CNBD1: variants seen among roughly 807,000 people sequenced by gnomAD.
CNBD1 encodes the protein cyclic nucleotide binding domain containing 1, also known as cyclic nucleotide-binding domain-containing protein 1.
A neutral mutation model predicts 54.4 loss-of-function variants in CNBD1; 71 were observed. The ratio of observed to expected loss-of-function variants is 1.30; its 90% CI spans 1.08 to 1.59. The LOEUF (loss-of-function observed/expected upper bound fraction) is 1.59, where lower values mean the gene tolerates loss of function less well. Ranked by LOEUF, CNBD1 falls within the 40% of genes most tolerant of loss-of-function variation. The pLI, the probability that CNBD1 is intolerant of heterozygous loss-of-function variation, is 0.00. For synonymous variants in CNBD1, 182 were observed against 170.7 expected (o/e 1.07, Z -0.51); for missense variants, 659 against 518.0 (o/e 1.27, Z -2.64).
At chr8:87,195,184 G>T (rs1813691675) in intron 4 of CNBD1, among the ~76,000 whole-genome samples, 1 of 147,774 alleles carries the variant, frequency 6.8e-6, no homozygotes, top group Non-Finnish European at 1.5e-5. Context: ...TGCCCGGCCC[G>T]TTTAGTATTT....
chr8:87,225,370 G>C (rs1814457835), intron 5 of CNBD1, among the ~76,000 whole-genome samples: 1 of 152,078 alleles, frequency 6.6e-6, no homozygotes, highest in South Asian at 2.1e-4. Context: ...GTATGATATT[G>C]GCTGTGGGTT....
At chr8:87,219,713 T>C (rs1814287813) in intron 5 of CNBD1, among the ~76,000 whole-genome samples, 1 of 152,060 alleles carries the variant, frequency 6.6e-6, no homozygotes, top group African/African-American at 2.4e-5. Flanking sequence ...GTTTCTAAAC[T>C]GTTCAATATT....
intron 4 of CNBD1, among the ~76,000 whole-genome samples, chr8:87,162,409 T>C (rs1375124517): frequency 1.3e-5 from 2 of 152,138 alleles, no homozygotes. Flanking sequence ...TTTGAAAATG[T>C]CTGCTTTAAG....
rs375843175 is a variant in CNBD1, at chr8:87,166,207, C to T, written c.432-39786C>T. ...ATTATCCAGATGAGTAAGTGACAAA[C>T]CTAAGCATCATACTTGATGCTCATA... On this transcript the variant is annotated intron_variant, in intron 4 of 10. Transcript: ENST00000518476. This position sits in a 1 kb window ranked among gnomAD's most constrained non-coding sequence, Gnocchi z 4.3. Among the ~76,000 whole-genome samples the T allele has an allele frequency of 2.6e-5, 4 of 151,902 alleles. No homozygotes were observed. The highest frequency in any genetic ancestry group is 2.1e-4 in the South Asian group (1 of 4,832).
At chr8:86,897,730 T>C (rs76661129) in intron 2 of CNBD1, among the ~76,000 whole-genome samples, 9,498 of 152,264 alleles carry the variant, frequency 0.062, 317 homozygotes, top group African/African-American at 0.095. Flanking sequence ...TCTAATAGGA[T>C]AAGACAGTTG....
At chr8:87,133,031 C>G (rs981498778) in intron 4 of CNBD1, among the ~76,000 whole-genome samples, 3 of 151,606 alleles carry the variant, frequency 2.0e-5, no homozygotes, top group African/African-American at 7.3e-5. Flanking sequence ...TAATTGACTT[C>G]TAATCCCTAA....
chr8:86,964,753 C>T (rs891357190), intron 4 of CNBD1, among the ~76,000 whole-genome samples: 1 of 152,044 alleles, frequency 6.6e-6, no homozygotes, highest in Non-Finnish European at 1.5e-5. Flanking sequence ...GAGCTGATTC[C>T]CCTGCTGAAG....
At chr8:87,366,163 C>A (rs1193990885) in intron 10 of CNBD1, among the ~76,000 whole-genome samples, 1 of 152,034 alleles carries the variant, frequency 6.6e-6, no homozygotes, top group Non-Finnish European at 1.5e-5. Flanking sequence ...TTTATCATCT[C>A]ACAGTTTTGT....
At chr8:87,342,618 T>G (rs112663618) in intron 8 of CNBD1, among the ~76,000 whole-genome samples, 2,829 of 152,178 alleles carry the variant, frequency 0.019, 89 homozygotes, top group African/African-American at 0.062. Context: ...AGAAAGGGTA[T>G]AAAGAGAGGT....
At chr8:87,194,660 A>C (rs748769103) in intron 4 of CNBD1, among the ~76,000 whole-genome samples, 21 of 152,306 alleles carry the variant, frequency 1.4e-4, no homozygotes, top group South Asian at 8.3e-4. Flanking sequence ...TAATGTTAAT[A>C]TGTGTATCTT....
chr8:87,354,113 C>A (rs774740883), intron 10 of CNBD1, among the ~76,000 whole-genome samples: 4 of 152,096 alleles, frequency 2.6e-5, no homozygotes, highest in Admixed American at 2.6e-4. Context: ...GTTGGAGAAC[C>A]CAGGGCAACC....
intron 4 of CNBD1, among the ~76,000 whole-genome samples, chr8:86,977,517 A>G (rs575575233): frequency 6.6e-6 from 1 of 152,066 alleles, no homozygotes; most frequent in East Asian, 1.9e-4. Context: ...AGAAGACTCA[A>G]GTAAAATCAG....
intron 8 of CNBD1, among the ~76,000 whole-genome samples, chr8:87,310,748 A>G (rs1476293656): frequency 6.6e-6 from 1 of 152,198 alleles, no homozygotes; most frequent in Non-Finnish European, 1.5e-5. Context: ...ATAAGGCTAC[A>G]GTAACCAAAA....
At chr8:87,285,841 G>T (rs898383869) in intron 7 of CNBD1, among the ~76,000 whole-genome samples, 4 of 152,174 alleles carry the variant, frequency 2.6e-5, no homozygotes, top group Non-Finnish European at 5.9e-5. Flanking sequence ...TTGCACTCCA[G>T]CCTGGGCAAC....
intron 4 of CNBD1, among the ~76,000 whole-genome samples, chr8:87,173,193 C>A (rs888408079): frequency 6.6e-6 from 1 of 152,030 alleles, no homozygotes; most frequent in African/African-American, 2.4e-5. Context: ...CTTTGTCTTC[C>A]CACTTTTTAA....
At chr8:87,136,306 C>A (rs543575070) in intron 4 of CNBD1, among the ~76,000 whole-genome samples, 1 of 151,020 alleles carries the variant, frequency 6.6e-6, no homozygotes, top group South Asian at 2.1e-4. Context: ...TAATTTAATT[C>A]CAAAGGCAAA....
intron 6 of CNBD1, among the ~76,000 whole-genome samples, chr8:87,273,308 G>A (rs978727485): frequency 1.3e-5 from 2 of 151,832 alleles, no homozygotes; most frequent in African/African-American, 4.8e-5. Context: ...ATCATGATGG[G>A]TGACTGTTGG....
At chr8:86,932,323 C>T (rs1029105996) in intron 3 of CNBD1, among the ~76,000 whole-genome samples, 1 of 152,104 alleles carries the variant, frequency 6.6e-6, no homozygotes, top group Non-Finnish European at 1.5e-5. Flanking sequence ...GGGCCAAATT[C>T]CCCTCCCCCT....
chr8:87,328,628 T>C (rs919805527), intron 8 of CNBD1, among the ~76,000 whole-genome samples: 2 of 152,070 alleles, frequency 1.3e-5, no homozygotes, highest in African/African-American at 4.8e-5. Flanking sequence ...TTATTTTGTC[T>C]GTTTATCTAT....
Sources: gnomAD v4.1 joint callset for allele counts (sites outside exome capture counted in the v4.1 genomes callset) on GRCh38, gnomAD v4.1.1 for gene constraint, Gnocchi (gnomAD v3.1) non-coding constraint, MANE v1.5 for transcripts, NCBI Gene and HGNC (gene_info 2026-07-23, HGNC 2026-07-21) for gene names.